BRD1: variants seen among roughly 807,000 people sequenced by gnomAD.
BRD1 encodes the protein bromodomain containing 1, also known as bromodomain-containing protein 1.
BRD1 carries 24 observed loss-of-function variants against 107.7 expected under a neutral mutation model. The ratio of observed to expected loss-of-function variants is 0.22; its 90% CI spans 0.16 to 0.31. The LOEUF (loss-of-function observed/expected upper bound fraction) is 0.31, where lower values mean the gene tolerates loss of function less well. BRD1 is among the 10% of genes least tolerant of loss of function. The pLI is 1.00. For synonymous variants in BRD1, 744 were observed against 686.1 expected, an observed-to-expected ratio of 1.08 and a Z score of -1.32; for missense variants, 1,279 against 1,638.6, an observed-to-expected ratio of 0.78 and a Z score of 3.79.
chr22:49,774,222 C>G lies in BRD1; in HGVS notation c.*11G>C. On this transcript the variant is annotated 3_prime_UTR_variant, in exon 13 of 13. Coordinates refer to ENST00000404760, the MANE Select transcript of BRD1 (RefSeq NM_001304808.3). ...ACACTATGGACAAGACCCGCGCTGG[C>G]GGCCGGGCCGTCAGTCAATGTCACT... 1.2e-6 allele frequency: 2 copies of G among 1,610,486 alleles called. No homozygotes were observed. The highest frequency in any genetic ancestry group is 8.5e-7 in the Non-Finnish European group (1 of 1,177,824).
chr22:49,804,051 T>TC (rs1164262519), intron 3 of BRD1, among the ~76,000 whole-genome samples, 153 bp downstream of exon 3: 1 of 152,174 alleles, frequency 6.6e-6, no homozygotes, highest in African/African-American at 2.4e-5. Context: ...ACCCGACTCC[T>TC]CCTACAGCTC....
At chr22:49,817,806 G>C (rs573883582) in intron 2 of BRD1, 2 of 153,126 alleles carry the variant, frequency 1.3e-5, no homozygotes, top group African/African-American at 4.8e-5. Flanking sequence ...AGACTGCTCT[G>C]GATAACCATG....
chr22:49,824,705 C>T lies in BRD1; in HGVS notation c.-14-374G>A, dbSNP rs934527183. ...TTGCAGGACTTTCCCAGCATGCAGG[C>T]GGTCCCCCAGGAAGTCCACATACAG... On this transcript the variant is annotated intron_variant, in intron 1 of 12. Coordinates refer to ENST00000404760, the MANE Select transcript of BRD1 (RefSeq NM_001304808.3). The surrounding 1 kb of genome is among the most constrained non-coding windows in gnomAD (Gnocchi z 5.9). 15 of 1,079,500 alleles carry T rather than the reference C, an allele frequency of 1.4e-5. No homozygotes were observed. The highest frequency in any genetic ancestry group is 6.9e-5 in the East Asian group (1 of 14,596). The allele number at this position is 1,079,500 out of a possible 1,614,324, so 66.9% of individuals were successfully genotyped here.
intron 8 of BRD1, among the ~76,000 whole-genome samples, chr22:49,782,789 G>A (rs1443377475): frequency 8.2e-6 from 1 of 122,674 alleles, no homozygotes; most frequent in Admixed American, 8.1e-5. Context: ...ATCTTGCTGG[G>A]ACCTGCTCCA....
chr22:49,800,810 T>C (rs753886767), intron 3 of BRD1, among the ~76,000 whole-genome samples: 34 of 151,974 alleles, frequency 2.2e-4, no homozygotes, highest in Non-Finnish European at 7.4e-5. Context: ...AGGACAGAAG[T>C]GAAGAAGCAC....
chr22:49,816,348 A>G (rs916243694), intron 2 of BRD1, among the ~76,000 whole-genome samples: 1 of 152,026 alleles, frequency 6.6e-6, no homozygotes, highest in Non-Finnish European at 1.5e-5. Context: ...GCCTCAATTA[A>G]AAGAACAAAA....
chr22:49,822,693 G>C (rs2060090391), intron 2 of BRD1, among the ~76,000 whole-genome samples: 2 of 151,946 alleles, frequency 1.3e-5, no homozygotes, highest in South Asian at 2.1e-4. Flanking sequence ...CTGGGCGACA[G>C]AGTAAAACTC....
In BRD1 at chr22:49,823,567, T is replaced by C. The variant is rs767451520; in HGVS notation, c.751A>G (p.Ile251Val). The C allele has an allele frequency of 1.2e-6, 2 of 1,603,498 alleles. No homozygotes were observed. Among genetic ancestry groups the C allele is most frequent in the South Asian group, 2.2e-5 (2 of 90,870 alleles). The change falls in exon 2 of 13, where the codon ATC (isoleucine) becomes GTC (valine). Residue 251 changes from isoleucine (I) to valine (V), a missense_variant. Coordinates refer to ENST00000404760, the MANE Select transcript of BRD1 (RefSeq NM_001304808.3). ...VHQECYGVPY[I>V]PEGQWLCRHC... ...CGGCAGAGCCACTGGCCCTCGGGGA[T>C]GTAGGGCACCCCGTAGCACTCCTGG...
At chr22:49,800,725 T>C (rs1357408625) in intron 3 of BRD1, among the ~76,000 whole-genome samples, 1 of 152,072 alleles carries the variant, frequency 6.6e-6, no homozygotes, top group Non-Finnish European at 1.5e-5. Flanking sequence ...CTCAGAAGGA[T>C]CAAGGTTCCT....
chr22:49,789,896 G>A (rs966970450), intron 7 of BRD1, among the ~76,000 whole-genome samples: 1 of 152,138 alleles, frequency 6.6e-6, no homozygotes, highest in African/African-American at 2.4e-5. Context: ...GCCCCATGTG[G>A]GACTCATAAC....
chr22:49,823,234 T>C lies in BRD1; in HGVS notation c.1084A>G (p.Met362Val). ...AGTTCCTTCACGGGCTCCATTTTCATGTACAGGCCAGCCTTCTGGGCACAC... is the reference window on the plus strand; with the variant it reads ...AGTTCCTTCACGGGCTCCATTTTCACGTACAGGCCAGCCTTCTGGGCACAC... The part of the protein sequence containing the change: ...VTCAQKAGLY[M>V]KMEPVKELTG... The change falls in exon 2 of 13, where the codon ATG becomes GTG. Residue 362 changes from methionine to valine, a missense_variant. By Grantham distance (21) the Met-to-Val change is conservative. Coordinates refer to ENST00000404760, the MANE Select transcript of BRD1 (RefSeq NM_001304808.3). 1 of 1,614,204 alleles carries C rather than the reference T, an allele frequency of 6.2e-7. No individual in the cohort carries two copies.
In BRD1 at chr22:49,823,078, C is replaced by T; in HGVS notation, c.1240G>A (p.Glu414Lys). 6.2e-7 allele frequency: 1 copy of T among 1,614,252 alleles called. No homozygotes were observed. The highest frequency in any genetic ancestry group is 8.5e-7 in the Non-Finnish European group (1 of 1,180,052). ...GACCTGACCGTTTTAACCGAGCTCT[C>T]TTTTCGACAGACGCCATTTTTCATT... ...VEMKNGVCRK[E>K]SSVKTVRSTS... The change falls in exon 2 of 13, where the codon GAG becomes AAG. Residue 414 changes from glutamate to lysine, a missense_variant. Physicochemically the swap from Glu to Lys is moderately conservative, Grantham distance 56. Around this residue, in one of 7 missense-constraint regions of BRD1, gnomAD observed 87 missense variants for 77.1 expected, o/e 1.13. Coordinates refer to ENST00000404760, the MANE Select transcript of BRD1 (RefSeq NM_001304808.3).
intron 2 of BRD1, among the ~76,000 whole-genome samples, chr22:49,811,502 G>C (rs2059848608): frequency 6.6e-6 from 1 of 152,170 alleles, no homozygotes; most frequent in Admixed American, 6.5e-5. Context: ...CTGGATGTTG[G>C]TACCTGCTAC....
At position 49,774,460 on chromosome 22, in the gene BRD1, G is replaced by A. The variant is rs764579593; in HGVS notation, c.3387-44C>T. 3 of 1,577,168 alleles carry A rather than the reference G, an allele frequency of 1.9e-6. No individual in the cohort carries two copies. The South Asian group carries it at 3.4e-5, about 18-fold the overall frequency. On this transcript the variant is annotated intron_variant, in intron 12 of 12. Transcript: ENST00000404760. ...AAGCGGAAAATCATTGCTTGCACAT[G>A]GTATTTCAGCAGGCTCCATGTAATC...
intron 2 of BRD1, among the ~76,000 whole-genome samples, chr22:49,813,530 T>G (rs1324744551): frequency 6.6e-6 from 1 of 151,482 alleles, no homozygotes; most frequent in Admixed American, 6.6e-5. Flanking sequence ...CCTTTTATTT[T>G]TATTAAAAAA....
At chr22:49,817,939 G>T (rs2059985980) in intron 2 of BRD1, among the ~76,000 whole-genome samples, 1 of 152,156 alleles carries the variant, frequency 6.6e-6, no homozygotes, top group Non-Finnish European at 1.5e-5. Flanking sequence ...GCCTTCCAGT[G>T]TTAGGATTAC....
At chr22:49,793,925 G>A in intron 7 of BRD1, 109 bp downstream of exon 7, 1 of 1,435,380 alleles carries the variant, frequency 7.0e-7, no homozygotes. Context: ...GCTAACCTGA[G>A]CCTCCGTGCA....
Position 49,794,204 on chromosome 22 carries a change from G to T in BRD1, c.2189C>A (p.Ala730Asp). ...GCTCCGGGAGCCGCTGGACTTCATA[G>T]CGCAGGTGAGGTCGAGCATGTCCAG... ...ELLDMLDLTC[A>D]MKSSGSRSKR... Residue 730 changes from alanine (A) to aspartate (D), a missense_variant, in exon 7 of 13, where the codon GCT becomes GAT. This residue lies in a region of BRD1 where 406 missense variants were observed against 519.4 expected (regional missense o/e 0.78). Transcript: ENST00000404760. The T allele has an allele frequency of 6.2e-7, 1 of 1,614,210 alleles. No homozygotes were observed. The highest frequency in any genetic ancestry group is 1.1e-5 in the South Asian group (1 of 91,086).
At chr22:49,781,257 C>G (rs1445437169) in intron 8 of BRD1, among the ~76,000 whole-genome samples, 2 of 152,196 alleles carry the variant, frequency 1.3e-5, no homozygotes, top group Admixed American at 6.5e-5. Context: ...CAAGCGCAGT[C>G]CCCGGAAGCC....
Sources: gnomAD v4.1 joint callset for allele counts (sites outside exome capture counted in the v4.1 genomes callset) on GRCh38, gnomAD v4.1.1 for gene constraint, gnomAD v4.1.1 regional missense constraint, Gnocchi (gnomAD v3.1) non-coding constraint, MANE v1.5 for transcripts, NCBI Gene and HGNC (gene_info 2026-07-23, HGNC 2026-07-21) for gene names.